NOPCHAP1: variants seen among roughly 807,000 people sequenced by gnomAD.
NOPCHAP1 encodes the protein DNA damage-sensitive RNA 1.
In NOPCHAP1, 13 loss-of-function variants were observed where a neutral mutation model predicts 14.0. That is an observed-to-expected ratio of 0.93 (90% CI 0.60 to 1.47). The LOEUF (loss-of-function observed/expected upper bound fraction) is 1.47. Ranked by LOEUF, NOPCHAP1 falls within the 40% of genes most tolerant of loss-of-function variation. The pLI, the probability that NOPCHAP1 is intolerant of heterozygous loss-of-function variation, is 0.00. For synonymous variants in NOPCHAP1, 78 were observed against 78.4 expected, an observed-to-expected ratio of 1.00 and a Z score of 0.03; for missense variants, 230 against 226.9, an observed-to-expected ratio of 1.01 and a Z score of -0.09.
rs12369202 is a variant in NOPCHAP1, at chr12:105,016,852, C to G, written c.*22156C>G. The G allele has an allele frequency of 3.9e-5, 6 of 152,026 alleles. No homozygotes were observed. The highest frequency in any genetic ancestry group is 8.8e-5 in the Non-Finnish European group (6 of 68,016). The allele number at this position is 152,026 out of a possible 1,614,324, so 9.4% of individuals were successfully genotyped here. A position where few individuals can be genotyped will look rare whatever the true frequency, so the allele number is the denominator to read the frequency against. ...AGTTGTTTTGTTTGTAAGCAGTTTG[C>G]CCTACAGTGTGTGGAAAGTGCATCA... On this transcript the variant is annotated 3_prime_UTR_variant, in exon 4 of 4. Transcript: ENST00000552951.
rs1873587558 is a variant in NOPCHAP1 at position 105,000,497 on chromosome 12, A to T, written c.*5801A>T. 1 of 152,180 alleles carries T rather than the reference A, an allele frequency of 6.6e-6. No homozygotes were observed. The highest frequency in any genetic ancestry group is 1.5e-5 in the Non-Finnish European group (1 of 68,040). 9.4% of individuals were successfully genotyped at this position (152,180 alleles called of 1,614,324 possible). ...TTATGGTCCTATGGATTTTCCTGTA[A>T]GGAAAAGGAAAGATTAAGACAATAG... On this transcript the variant is annotated 3_prime_UTR_variant, in exon 4 of 4. Coordinates refer to ENST00000552951, the MANE Select transcript of NOPCHAP1 (RefSeq NM_152318.3).
In NOPCHAP1 at chr12:105,004,993, T is replaced by G. The variant is rs900465232; in HGVS notation, c.*10297T>G. The G allele has an allele frequency of 6.6e-6, 1 of 152,194 alleles. No individual in the cohort carries two copies. Among genetic ancestry groups the G allele is most frequent in the African/African-American group, 2.4e-5 (1 of 41,452 alleles). 9.4% of individuals were successfully genotyped at this position (152,194 alleles called of 1,614,324 possible). A position where few individuals can be genotyped will look rare whatever the true frequency, so the allele number is the denominator to read the frequency against. ...AAATATATACTTACTGTTCTTTAAATGGAAGTGGATCATCATTAAAGACTT... is the reference window on the plus strand; with the variant it reads ...AAATATATACTTACTGTTCTTTAAAGGGAAGTGGATCATCATTAAAGACTT... On this transcript the variant is annotated 3_prime_UTR_variant, in exon 4 of 4. Transcript: ENST00000552951.
Position 105,004,147 on chromosome 12 carries a change from C to T in NOPCHAP1, c.*9451C>T, listed in dbSNP as rs1481911854. The T allele has an allele frequency of 6.6e-6, 1 of 152,140 alleles. No individual in the cohort carries two copies. Among genetic ancestry groups the T allele is most frequent in the African/African-American group, 2.4e-5 (1 of 41,408 alleles). The allele number at this position is 152,140 out of a possible 1,614,324, so 9.4% of individuals were successfully genotyped here. On this transcript the variant is annotated 3_prime_UTR_variant, in exon 4 of 4. Transcript: ENST00000552951. ...GATATATAGCATTTGGATGTCTTCC[C>T]AGGGTAGAATGATCTTTATTCTCTT...
At position 105,008,075 on chromosome 12, in the gene NOPCHAP1, C is replaced by T. The variant is rs1027141255; in HGVS notation, c.*13379C>T. 3 of 152,216 alleles carry T rather than the reference C, an allele frequency of 2.0e-5. No individual in the cohort carries two copies. The highest frequency in any genetic ancestry group is 7.2e-5 in the African/African-American group (3 of 41,456). 9.4% of individuals were successfully genotyped at this position (152,216 alleles called of 1,614,324 possible). A position where few individuals can be genotyped will look rare whatever the true frequency, so the allele number is the denominator to read the frequency against. On this transcript the variant is annotated 3_prime_UTR_variant, in exon 4 of 4. Transcript: ENST00000552951. The stretch of plus-strand genomic sequence containing the variant: ...GTTCTAGATCCTTGAGGAATTGCCA[C>T]ACTGTCTTCCACAATGGTTGAACTA...
At chr12:104,987,587 A>G (rs781273372) in intron 1 of NOPCHAP1, among the ~76,000 whole-genome samples, 30 of 152,262 alleles carry the variant, frequency 2.0e-4, no homozygotes, top group Middle Eastern at 3.4e-3. Flanking sequence ...TGAGTTTTGT[A>G]CGTTCCCCTC....
chr12:104,989,266 A>G (rs1337101016), intron 2 of NOPCHAP1, among the ~76,000 whole-genome samples: 1 of 152,206 alleles, frequency 6.6e-6, no homozygotes, highest in Non-Finnish European at 1.5e-5. Context: ...CATTTAAAAA[A>G]TCAGGTTTCT....
In NOPCHAP1 at chr12:105,010,274, T is replaced by C. The variant is rs1873792826; in HGVS notation, c.*15578T>C. ...ATAGTTATTTGTATAGAGTTGTTTATAGTATTCTCTGATGGTGGTTTGTAT... is the reference window on the plus strand; with the variant it reads ...ATAGTTATTTGTATAGAGTTGTTTACAGTATTCTCTGATGGTGGTTTGTAT... On this transcript the variant is annotated 3_prime_UTR_variant, in exon 4 of 4. Transcript: ENST00000552951. 1 of 152,216 alleles carries C rather than the reference T, an allele frequency of 6.6e-6. No individual in the cohort carries two copies. The highest frequency in any genetic ancestry group is 2.4e-5 in the African/African-American group (1 of 41,458). The allele number at this position is 152,216 out of a possible 1,614,324, so 9.4% of individuals were successfully genotyped here.
rs1873559183 is a variant in NOPCHAP1 at position 104,999,161 on chromosome 12, T to C, written c.*4465T>C. On this transcript the variant is annotated 3_prime_UTR_variant, in exon 4 of 4. Transcript: ENST00000552951. ...CAGTAGTGGCATGGCCAGGTGCACA[T>C]GTACCCACACACTGGCAGGAAATTG... 6.6e-6 allele frequency: 1 copy of C among 152,270 alleles called. No individual in the cohort carries two copies. Among genetic ancestry groups the C allele is most frequent in the South Asian group, 2.1e-4 (1 of 4,838 alleles). 9.4% of individuals were successfully genotyped at this position (152,270 alleles called of 1,614,324 possible).
intron 2 of NOPCHAP1, among the ~76,000 whole-genome samples, chr12:104,991,254 A>G (rs1873367700): frequency 6.6e-6 from 1 of 152,204 alleles, no homozygotes; most frequent in East Asian, 1.9e-4. Flanking sequence ...GCTTAAAAGG[A>G]AAGCCAGGGT....
rs1405579964 is a variant in NOPCHAP1, at chr12:105,011,603, G to C, written c.*16907G>C. 1.3e-5 allele frequency: 2 copies of C among 152,124 alleles called. No homozygotes were observed. Among genetic ancestry groups the C allele is most frequent in the African/African-American group, 4.8e-5 (2 of 41,422 alleles). 9.4% of individuals were successfully genotyped at this position (152,124 alleles called of 1,614,324 possible). A position where few individuals can be genotyped will look rare whatever the true frequency, so the allele number is the denominator to read the frequency against. On this transcript the variant is annotated 3_prime_UTR_variant, in exon 4 of 4. Coordinates refer to ENST00000552951, the MANE Select transcript of NOPCHAP1 (RefSeq NM_152318.3). ...ATAGTGTTGATGGTCCTTACAATTT[G>C]GTATGTTTTTGCAGTGGCTAGTGCC...
chr12:105,001,612 C>T lies in NOPCHAP1; in HGVS notation c.*6916C>T, dbSNP rs1592750665. 6.6e-6 allele frequency: 1 copy of T among 152,246 alleles called. No individual in the cohort carries two copies. Among genetic ancestry groups the T allele is most frequent in the East Asian group, 1.9e-4 (1 of 5,188 alleles). The allele number at this position is 152,246 out of a possible 1,614,324, so 9.4% of individuals were successfully genotyped here. ...TTGCCTTGGAGAGCAAGTCTTGCCC[C>T]AGCAGATTTACTGGGGCAGTATCAC... On this transcript the variant is annotated 3_prime_UTR_variant, in exon 4 of 4. Coordinates refer to ENST00000552951, the MANE Select transcript of NOPCHAP1 (RefSeq NM_152318.3).
intron 2 of NOPCHAP1, among the ~76,000 whole-genome samples, chr12:104,989,155 T>C (rs1873320334): frequency 6.6e-6 from 1 of 152,110 alleles, no homozygotes; most frequent in Non-Finnish European, 1.5e-5. Flanking sequence ...TGGTATCGCG[T>C]TGTGATCTTA....
chr12:104,994,742 T>C lies in NOPCHAP1; in HGVS notation c.*46T>C. On this transcript the variant is annotated 3_prime_UTR_variant, in exon 4 of 4. Transcript: ENST00000552951. Reference sequence around the variant, plus strand: ...GAAACAGGTGACATATGTCTGCAAATTCTGTGAAAAAGAATGTGATTCACG... The same window carrying C: ...GAAACAGGTGACATATGTCTGCAAACTCTGTGAAAAAGAATGTGATTCACG... 1 of 1,497,156 alleles carries C rather than the reference T, an allele frequency of 6.7e-7. No individual in the cohort carries two copies. 92.7% of individuals were successfully genotyped at this position (1,497,156 alleles called of 1,614,324 possible).
rs1227290573 is a variant in NOPCHAP1, at chr12:104,997,271, A to C, written c.*2575A>C. 2.0e-5 allele frequency: 3 copies of C among 152,202 alleles called. No individual in the cohort carries two copies. The highest frequency in any genetic ancestry group is 4.4e-5 in the Non-Finnish European group (3 of 68,030). 9.4% of individuals were successfully genotyped at this position (152,202 alleles called of 1,614,324 possible). On this transcript the variant is annotated 3_prime_UTR_variant, in exon 4 of 4. Transcript: ENST00000552951. ...AGCACTCCCTTCCAAAACTCTTGTA[A>C]GGCAGATCTGATGTTAACAAATTCC...
chr12:104,988,707 A>G (rs1873304224), intron 2 of NOPCHAP1, among the ~76,000 whole-genome samples: 2 of 152,300 alleles, frequency 1.3e-5, no homozygotes, highest in South Asian at 4.1e-4. Flanking sequence ...CCACACTCAG[A>G]CTTTATTACA....
Position 105,011,677 on chromosome 12 carries a change from C to T in NOPCHAP1, c.*16981C>T, listed in dbSNP as rs149397968. The stretch of plus-strand genomic sequence containing the variant: ...GCTGCCTTCAGGAGCTCTTGTAAGG[C>T]AGGCCTGGTGGTGACAAAATCTCTC... On this transcript the variant is annotated 3_prime_UTR_variant, in exon 4 of 4. Coordinates refer to ENST00000552951, the MANE Select transcript of NOPCHAP1 (RefSeq NM_152318.3). 3.2e-4 allele frequency: 48 copies of T among 152,292 alleles called. 1 individual carries two copies. Among genetic ancestry groups the T allele is most frequent in the African/African-American group, 1.1e-3 (45 of 41,558 alleles). The allele number at this position is 152,292 out of a possible 1,614,324, so 9.4% of individuals were successfully genotyped here.
At position 105,015,750 on chromosome 12, in the gene NOPCHAP1, G is replaced by A. The variant is rs1203330766; in HGVS notation, c.*21054G>A. On this transcript the variant is annotated 3_prime_UTR_variant, in exon 4 of 4. Coordinates refer to ENST00000552951, the MANE Select transcript of NOPCHAP1 (RefSeq NM_152318.3). ...CTATCAAATGTTTCAGGCATCCTCT[G>A]GGGGGTCTTGGAATGTATCCCCCAT... 3 of 152,128 alleles carry A rather than the reference G, an allele frequency of 2.0e-5. No individual in the cohort carries two copies. The highest frequency in any genetic ancestry group is 7.2e-5 in the African/African-American group (3 of 41,400). The allele number at this position is 152,128 out of a possible 1,614,324, so 9.4% of individuals were successfully genotyped here.
Position 105,007,389 on chromosome 12 carries a change from A to C in NOPCHAP1, c.*12693A>C, listed in dbSNP as rs980021594. 4 of 152,208 alleles carry C rather than the reference A, an allele frequency of 2.6e-5. No homozygotes were observed. The highest frequency in any genetic ancestry group is 5.9e-5 in the Non-Finnish European group (4 of 68,040). The allele number at this position is 152,208 out of a possible 1,614,324, so 9.4% of individuals were successfully genotyped here. A position where few individuals can be genotyped will look rare whatever the true frequency, so the allele number is the denominator to read the frequency against. ...ATGCAGACCTCAGTCTATGGTACAC[A>C]TCAAGCAATTCATATTTTTCTTGTA... On this transcript the variant is annotated 3_prime_UTR_variant, in exon 4 of 4. Transcript: ENST00000552951.
rs1167875721 is a variant in NOPCHAP1 at position 105,008,303 on chromosome 12, T to G, written c.*13607T>G. 2.0e-5 allele frequency: 3 copies of G among 152,272 alleles called. No homozygotes were observed. The highest frequency in any genetic ancestry group is 4.4e-5 in the Non-Finnish European group (3 of 68,052). The allele number at this position is 152,272 out of a possible 1,614,324, so 9.4% of individuals were successfully genotyped here. On this transcript the variant is annotated 3_prime_UTR_variant, in exon 4 of 4. Coordinates refer to ENST00000552951, the MANE Select transcript of NOPCHAP1 (RefSeq NM_152318.3). Reference sequence around the variant, plus strand: ...ATGTCTTCTTTTGAGAAGTGTCTGTTCGTATCCTTCGCCCACTTTTTGATG... The same window carrying G: ...ATGTCTTCTTTTGAGAAGTGTCTGTGCGTATCCTTCGCCCACTTTTTGATG...
Sources: allele counts gnomAD v4.1 joint callset (sites outside exome capture counted in the v4.1 genomes callset), GRCh38; gene constraint gnomAD v4.1.1; transcripts MANE v1.5; gene names NCBI Gene and HGNC (gene_info 2026-07-23, HGNC 2026-07-21).